GRIK3: variants seen among roughly 807,000 people sequenced by gnomAD.
GRIK3 encodes the protein glutamate ionotropic receptor kainate type subunit 3.
A neutral mutation model predicts 102.5 loss-of-function variants in GRIK3; 29 were observed. The ratio of observed to expected loss-of-function variants is 0.28; its 90% CI spans 0.21 to 0.39. GRIK3 has a LOEUF of 0.39. GRIK3 is among the 10% of genes least tolerant of loss of function. The probability of loss-of-function intolerance (pLI) is 1.00; values close to 1 mark genes in which losing one functional copy is unlikely to be tolerated. For synonymous variants in GRIK3, 511 were observed against 504.9 expected (o/e 1.01, Z -0.16); for missense variants, 908 against 1,252.4 (o/e 0.73, Z 4.15).
At chr1:37,012,977 C>A (rs549931071) in intron 1 of GRIK3, among the ~76,000 whole-genome samples, 4 of 152,312 alleles carry the variant, frequency 2.6e-5, no homozygotes, top group African/African-American at 9.6e-5. Flanking sequence ...CTGTATTAGT[C>A]TGTTTTCACA....
chr1:36,956,170 G>C (rs1475316401), intron 1 of GRIK3, among the ~76,000 whole-genome samples: 1 of 152,192 alleles, frequency 6.6e-6, no homozygotes, highest in African/African-American at 2.4e-5. Context: ...CCCCTTCTCA[G>C]ACTAAGCCAG....
intron 1 of GRIK3, among the ~76,000 whole-genome samples, chr1:36,977,647 A>C (rs1317957493): frequency 2.0e-5 from 3 of 152,194 alleles, no homozygotes; most frequent in African/African-American, 7.2e-5. Context: ...ACCCAAGGCA[A>C]CAGTTTTCTG....
chr1:36,882,576 G>A (rs556594849), intron 2 of GRIK3, among the ~76,000 whole-genome samples: 80 of 152,132 alleles, frequency 5.3e-4, no homozygotes, highest in Admixed American at 1.0e-3. Flanking sequence ...CAGAGAATGC[G>A]GCTCGCACCC....
In GRIK3 at chr1:36,889,695, G is replaced by T. The variant is rs1470128479; in HGVS notation, c.292+1225C>A. On this transcript the variant is annotated intron_variant, in intron 2 of 15. Transcript: ENST00000373091. ...TCCTGGAGGAAGTAACTCCGGGAGG[G>T]CTCGGAAACTCTGCCCTGGGGTTCC... Among the ~76,000 whole-genome samples, 3 of 152,142 alleles carry T rather than the reference G, an allele frequency of 2.0e-5. No homozygotes were observed. The South Asian group carries it at 6.2e-4, about 31-fold the overall frequency.
chr1:36,924,752 C>A (rs940596130), intron 1 of GRIK3, among the ~76,000 whole-genome samples: 2 of 152,290 alleles, frequency 1.3e-5, no homozygotes, highest in African/African-American at 4.8e-5. Flanking sequence ...GCCAACTGTG[C>A]TCCCCAGGGC....
rs927543830 is a variant in GRIK3, at chr1:36,880,541, G to T, written c.550+93C>A. The T allele has an allele frequency of 6.3e-6, 8 of 1,262,486 alleles. No homozygotes were observed. The Admixed American group carries it at 1.4e-4, about 22-fold the overall frequency. The allele number at this position is 1,262,486 out of a possible 1,614,324, so 78.2% of individuals were successfully genotyped here. A position where few individuals can be genotyped will look rare whatever the true frequency, so the allele number is the denominator to read the frequency against. On this transcript the variant is annotated intron_variant, in intron 3 of 15. Transcript: ENST00000373091. The surrounding 1 kb of genome is among the most constrained non-coding windows in gnomAD (Gnocchi z 5.4). The stretch of plus-strand genomic sequence containing the variant: ...TATGGAACACAGCCTCTTCCCCCAG[G>T]GCAGCTGTGCTGAACAAACAGACAA...
intron 1 of GRIK3, among the ~76,000 whole-genome samples, chr1:36,988,502 C>T (rs1390208048): frequency 6.6e-6 from 1 of 152,206 alleles, no homozygotes; most frequent in Non-Finnish European, 1.5e-5. Flanking sequence ...ACCGTGGCCG[C>T]CGGCCAGATG....
intron 1 of GRIK3, among the ~76,000 whole-genome samples, chr1:36,967,934 T>C (rs2124354499): frequency 6.6e-6 from 1 of 152,322 alleles, no homozygotes; most frequent in South Asian, 2.1e-4. Context: ...AGTAAGCCTG[T>C]CCTGAAGGAC....
intron 9 of GRIK3, among the ~76,000 whole-genome samples, chr1:36,845,282 C>T (rs1327225623): frequency 1.3e-5 from 2 of 152,224 alleles, no homozygotes; most frequent in Admixed American, 1.3e-4. Context: ...TGAAGGTGCC[C>T]TCAATTTCAT....
rs78288613 is a variant in GRIK3 at position 36,904,188 on chromosome 1, C to G, written c.116-13092G>C. On this transcript the variant is annotated intron_variant, in intron 1 of 15. Coordinates refer to ENST00000373091, the MANE Select transcript of GRIK3 (RefSeq NM_000831.4). ...GGTAATATTTTAACACGTGAACACA[C>G]AACTGTGTCCCTTCCAGAGTACTCC... Among the ~76,000 whole-genome samples the G allele has an allele frequency of 6.1e-3, 929 of 152,334 alleles. 4 individuals are homozygous for G. The highest frequency in any genetic ancestry group is 0.021 in the African/African-American group (867 of 41,586).
In GRIK3 at chr1:36,875,826, A is replaced by G. The variant is rs544213336; in HGVS notation, c.551-3457T>C. Among the ~76,000 whole-genome samples, 24 of 152,352 alleles carry G rather than the reference A, an allele frequency of 1.6e-4. No individual in the cohort carries two copies. In the East Asian group the frequency reaches 2.7e-3, roughly 17 times the overall value. On this transcript the variant is annotated intron_variant, in intron 3 of 15. Coordinates refer to ENST00000373091, the MANE Select transcript of GRIK3 (RefSeq NM_000831.4). ...CTGAGTTTTTGAGGTGGTTTGTTAC[A>G]CAGCATTATTATAGAAAGAGATAAC...
At position 37,021,127 on chromosome 1, in the gene GRIK3, T is replaced by TGTGA. The variant is rs1553128804; in HGVS notation, c.115+12866_115+12867insTCAC. On this transcript the variant is annotated intron_variant, in intron 1 of 15. Transcript: ENST00000373091. ...GTGTGTGTGTGTGTGTGTGTGTCTG[T>TGTGA]GAGAGAGAGAGAGAGAGAGAGAGAG... 9.6e-5 allele frequency among the ~76,000 whole-genome samples: 14 copies of TGTGA among 145,298 alleles called. No homozygotes were observed. The East Asian group carries it at 1.4e-3, about 15-fold the overall frequency.
chr1:36,855,705 C>T (rs1359702589), intron 7 of GRIK3, among the ~76,000 whole-genome samples: 2 of 152,252 alleles, frequency 1.3e-5, no homozygotes, highest in Admixed American at 6.5e-5. Context: ...ATTTCTCCTT[C>T]GTGGCTTCCA....
chr1:37,027,184 G>A (rs1360281313), intron 1 of GRIK3, among the ~76,000 whole-genome samples: 2 of 152,112 alleles, frequency 1.3e-5, no homozygotes, highest in Non-Finnish European at 2.9e-5. Context: ...GGGAGAGGCA[G>A]TGTGGACCCT....
chr1:36,940,930 C>G (rs1641712816), intron 1 of GRIK3, among the ~76,000 whole-genome samples: 3 of 152,226 alleles, frequency 2.0e-5, no homozygotes, highest in South Asian at 4.1e-4. Context: ...GGTTCCCAAT[C>G]AGACCCAAAC....
intron 1 of GRIK3, among the ~76,000 whole-genome samples, chr1:36,924,500 G>A (rs773983045): frequency 5.3e-5 from 8 of 152,192 alleles, no homozygotes; most frequent in Non-Finnish European, 1.2e-4. Context: ...AGGGGAGGGG[G>A]AGTGGGTTGG....
In GRIK3 at chr1:36,798,744, G is replaced by A. The variant is rs1172869228; in HGVS notation, c.*3107C>T. ...CCAGAAGCCAAATATCAGCCACACC[G>A]ACAACACCTGAACATCAGGACGCAA... On this transcript the variant is annotated 3_prime_UTR_variant, in exon 16 of 16. Coordinates refer to ENST00000373091, the MANE Select transcript of GRIK3 (RefSeq NM_000831.4). The A allele has an allele frequency of 1.3e-5, 2 of 152,246 alleles. No homozygotes were observed. The highest frequency in any genetic ancestry group is 4.8e-5 in the African/African-American group (2 of 41,464). 9.4% of individuals were successfully genotyped at this position (152,246 alleles called of 1,614,324 possible).
At chr1:37,029,438 G>A (rs1349012889) in intron 1 of GRIK3, among the ~76,000 whole-genome samples, 4 of 152,216 alleles carry the variant, frequency 2.6e-5, no homozygotes, top group African/African-American at 9.6e-5. Context: ...TCCTGAGCAA[G>A]CAAGGCAAGC....
At chr1:36,885,828 A>G (rs947094044) in intron 2 of GRIK3, among the ~76,000 whole-genome samples, 1 of 152,198 alleles carries the variant, frequency 6.6e-6, no homozygotes, top group Non-Finnish European at 1.5e-5. Flanking sequence ...TTGTGGCTTC[A>G]ATTTTAAATC....
Sources: allele counts gnomAD v4.1 joint callset (sites outside exome capture counted in the v4.1 genomes callset), GRCh38; gene constraint gnomAD v4.1.1; non-coding constraint Gnocchi (gnomAD v3.1); transcripts MANE v1.5; gene names NCBI Gene and HGNC (gene_info 2026-07-23, HGNC 2026-07-21).